The following ASPA variants were observed in gnomAD, a reference collection of about 807,000 sequenced individuals.
ASPA encodes ACY-2.
A neutral mutation model predicts 29.6 loss-of-function variants in ASPA; 25 were observed. The ratio of observed to expected loss-of-function variants is 0.85; its 90% confidence interval spans 0.62 to 1.18. ASPA has a LOEUF of 1.18. ASPA is among the 50% of genes most tolerant of loss of function. The probability of loss-of-function intolerance (pLI) is 0.00; values close to 1 mark genes in which losing one functional copy is unlikely to be tolerated. For missense variants in ASPA, 333 were observed against 385.7 expected (o/e 0.86, Z 1.14); for synonymous variants, 131 against 130.3 (o/e 1.01, Z -0.04).
upstream of ASPA, among the ~76,000 whole-genome samples, chr17:3,474,844 C>T (rs2073498186): frequency 6.6e-6 from 1 of 152,158 alleles, no homozygotes; most frequent in East Asian, 1.9e-4. Context: ...AACAGAGAGG[C>T]ACCCTATTGT....
chr17:3,476,120 CT>C lies in ASPA; in HGVS notation c.-38del, dbSNP rs755568998. 1.1e-5 allele frequency: 17 copies of C among 1,564,988 alleles called. No individual in the cohort carries two copies. The highest frequency in any genetic ancestry group is 1.4e-5 in the Non-Finnish European group (16 of 1,137,122). ...GAAAATCGAATTTCCTTTGATCTCT[CT>C]TCTGAATTGCAGAAATCAGATAAAA... On this transcript the variant is annotated 5_prime_UTR_variant, in exon 1 of 6. Coordinates refer to ENST00000263080, the MANE Select transcript of ASPA (RefSeq NM_000049.4).
chr17:3,499,192 CT>C lies in ASPA; in HGVS notation c.*105del. 7 of 1,230,014 alleles carry C rather than the reference CT, an allele frequency of 5.7e-6. No homozygotes were observed. Among genetic ancestry groups the C allele is most frequent in the Non-Finnish European group, 8.0e-6 (7 of 873,664 alleles). The allele number at this position is 1,230,014 out of a possible 1,614,324, so 76.2% of individuals were successfully genotyped here. A position where few individuals can be genotyped will look rare whatever the true frequency, so the allele number is the denominator to read the frequency against. On this transcript the variant is annotated 3_prime_UTR_variant, in exon 6 of 6. Transcript: ENST00000263080. ...CCTTATTCAACTGCATACATAGCTC[CT>C]AGCACAGTGCCTTATTCGGTAGGCA...
At position 3,500,394 on chromosome 17, in the gene ASPA, T is replaced by C. The variant is rs551021289; in HGVS notation, c.*1306T>C. ...TAGCTAGAGGGGAGAAATGAATGCC[T>C]AGCTTCAAAGCTTCAAAGGACAGCC... On this transcript the variant is annotated 3_prime_UTR_variant, in exon 6 of 6. Coordinates refer to ENST00000263080, the MANE Select transcript of ASPA (RefSeq NM_000049.4). The C allele has an allele frequency of 6.6e-6, 1 of 152,418 alleles. No homozygotes were observed. Among genetic ancestry groups the C allele is most frequent in the South Asian group, 2.1e-4 (1 of 4,830 alleles). 9.4% of individuals were successfully genotyped at this position (152,418 alleles called of 1,614,324 possible).
intron 4 of ASPA, among the ~76,000 whole-genome samples, chr17:3,491,004 A>G (rs1257041611): frequency 3.3e-5 from 5 of 152,224 alleles, no homozygotes; most frequent in African/African-American, 9.6e-5. Context: ...ACTCCTATCC[A>G]CAGAATGCTG....
At chr17:3,496,639 G>A (rs553803645) in intron 5 of ASPA, among the ~76,000 whole-genome samples, 2 of 152,278 alleles carry the variant, frequency 1.3e-5, no homozygotes, top group Admixed American at 6.5e-5. Context: ...TCCTAAGAAT[G>A]ACAGTTCTTA....
At chr17:3,483,384 T>A (rs2073667276) in intron 2 of ASPA, 115 bp from the exon 3 acceptor site, 1 of 865,642 alleles carries the variant, frequency 1.2e-6, no homozygotes, top group Non-Finnish European at 2.0e-6. Flanking sequence ...TAAAGCTGTC[T>A]TACCAATCTT....
At chr17:3,498,797 A>T (rs2073951337) in intron 5 of ASPA, 94 bp from the exon 6 acceptor site, 1 of 1,201,776 alleles carries the variant, frequency 8.3e-7, no homozygotes, top group Non-Finnish European at 1.1e-6. Context: ...AAAACAACAG[A>T]ATACTGTAAT....
chr17:3,497,237 T>C (rs2073924136), intron 5 of ASPA, among the ~76,000 whole-genome samples: 2 of 152,144 alleles, frequency 1.3e-5, no homozygotes, highest in Non-Finnish European at 2.9e-5. Context: ...GCCAGACGTG[T>C]GTTGAAGAGG....
Position 3,476,184 on chromosome 17 carries a change from G to C in ASPA, c.25G>C (p.Glu9Gln), listed in dbSNP as rs1483554951. MTSCHIAE[E>Q]HIQKVAIFGG... ...AATGACTTCTTGTCACATTGCTGAA[G>C]AACATATACAAAAGGTTGCTATCTT... is the stretch of plus-strand genomic sequence containing the variant. Residue 9 changes from glutamate to glutamine, a missense_variant, in exon 1 of 6, where the codon GAA becomes CAA. Transcript: ENST00000263080. 6.2e-7 allele frequency: 1 copy of C among 1,613,954 alleles called. No individual in the cohort carries two copies. The highest frequency in any genetic ancestry group is 2.2e-5 in the East Asian group (1 of 44,872).
Position 3,490,805 on chromosome 17 carries a change from A to G in ASPA, c.634+1463A>G, listed in dbSNP as rs2073811489. On this transcript the variant is annotated intron_variant, in intron 4 of 5. Coordinates refer to ENST00000263080, the MANE Select transcript of ASPA (RefSeq NM_000049.4). The surrounding 1 kb of genome is among the most constrained non-coding windows in gnomAD (Gnocchi z 4.6). ...AAAACGTGGTTGGTTTTCAGATCAT[A>G]GTCCATAGAATCCTATCACAACGGT... Among the ~76,000 whole-genome samples the G allele has an allele frequency of 6.6e-6, 1 of 152,212 alleles. No homozygotes were observed. Among genetic ancestry groups the G allele is most frequent in the South Asian group, 2.1e-4 (1 of 4,838 alleles).
rs1271110402 is a variant in ASPA at position 3,500,367 on chromosome 17, C to G, written c.*1279C>G. ...GGAAGAAGATGCTATCTAGGACTTT[C>G]CTAGCTAGAGGGGAGAAATGAATGC... On this transcript the variant is annotated 3_prime_UTR_variant, in exon 6 of 6. Transcript: ENST00000263080. 1 of 152,312 alleles carries G rather than the reference C, an allele frequency of 6.6e-6. No individual in the cohort carries two copies. Among genetic ancestry groups the G allele is most frequent in the Non-Finnish European group, 1.5e-5 (1 of 68,146 alleles). The allele number at this position is 152,312 out of a possible 1,614,324, so 9.4% of individuals were successfully genotyped here. A position where few individuals can be genotyped will look rare whatever the true frequency, so the allele number is the denominator to read the frequency against.
chr17:3,476,244 T>C lies in ASPA; in HGVS notation c.85T>C (p.Phe29Leu). ...GTHGNELTGV[F>L]LVKHWLENGA... The stretch of plus-strand genomic sequence containing the variant: ...CCATGGGAATGAGCTAACCGGAGTA[T>C]TTCTGGTTAAGCATTGGCTAGAGAA... Residue 29 changes from phenylalanine to leucine, a missense_variant, in exon 1 of 6, where the codon TTT becomes CTT. Coordinates refer to ENST00000263080, the MANE Select transcript of ASPA (RefSeq NM_000049.4). 1 of 1,614,180 alleles carries C rather than the reference T, an allele frequency of 6.2e-7. No individual in the cohort carries two copies. The highest frequency in any genetic ancestry group is 1.1e-5 in the South Asian group (1 of 91,090).
At position 3,485,362 on chromosome 17, in the gene ASPA, C is replaced by G. The variant is rs1299106353; in HGVS notation, c.526+1770C>G. On this transcript the variant is annotated intron_variant, in intron 3 of 5. Coordinates refer to ENST00000263080, the MANE Select transcript of ASPA (RefSeq NM_000049.4). This position sits in a 1 kb window ranked among gnomAD's most constrained non-coding sequence, Gnocchi z 4.4. Reference sequence around the variant, plus strand: ...CCCACACAGACTTATACAAACTTATCCATTCCTTCCCATGCAGGTTCTATA... The same window carrying G: ...CCCACACAGACTTATACAAACTTATGCATTCCTTCCCATGCAGGTTCTATA... Among the ~76,000 whole-genome samples the G allele has an allele frequency of 6.6e-6, 1 of 152,050 alleles. No homozygotes were observed. Among genetic ancestry groups the G allele is most frequent in the Non-Finnish European group, 1.5e-5 (1 of 68,010 alleles).
upstream of ASPA, among the ~76,000 whole-genome samples, chr17:3,475,038 A>G (rs1365968696): frequency 6.6e-6 from 1 of 152,224 alleles, no homozygotes; most frequent in Non-Finnish European, 1.5e-5. Flanking sequence ...GTGAAAGGAC[A>G]TTATAAATTA....
chr17:3,496,099 C>T lies in ASPA; in HGVS notation c.744+1640C>T, dbSNP rs888975146. Among the ~76,000 whole-genome samples the T allele has an allele frequency of 7.9e-5, 12 of 152,066 alleles. No homozygotes were observed. The East Asian group carries it at 1.7e-3, about 22-fold the overall frequency. On this transcript the variant is annotated intron_variant, in intron 5 of 5. Coordinates refer to ENST00000263080, the MANE Select transcript of ASPA (RefSeq NM_000049.4). ...AGCAAACTGGGCTAGTGGTAGGTCT[C>T]GAAAGTTAGGAAGGATGGTTTTGAT...
intron 4 of ASPA, among the ~76,000 whole-genome samples, chr17:3,489,739 C>T (rs1281943344): frequency 6.6e-6 from 1 of 152,204 alleles, no homozygotes; most frequent in East Asian, 1.9e-4. Context: ...AGGGGAAACT[C>T]TCATTACCTG....
intron 3 of ASPA, among the ~76,000 whole-genome samples, chr17:3,484,598 G>T (rs561932969): frequency 2.0e-5 from 3 of 152,166 alleles, no homozygotes; most frequent in Non-Finnish European, 4.4e-5. Context: ...GTGATGAAAG[G>T]CCATTGCTGA....
At chr17:3,476,482 G>C (rs2073525548) in intron 1 of ASPA, 87 bp downstream of exon 1, 2 of 1,235,064 alleles carry the variant, frequency 1.6e-6, no homozygotes, top group South Asian at 2.4e-5. Flanking sequence ...TGTATATGCA[G>C]ATGATAATTC....
intron 5 of ASPA, 49 bp from the exon 6 acceptor site, chr17:3,498,842 G>A: frequency 1.4e-6 from 2 of 1,421,022 alleles, no homozygotes; most frequent in Non-Finnish European, 9.3e-7. Context: ...TAAATTTTTA[G>A]AGGAGAAAAA....
Sources: gnomAD v4.1 joint callset for allele counts (sites outside exome capture counted in the v4.1 genomes callset) on GRCh38, gnomAD v4.1.1 for gene constraint, Gnocchi (gnomAD v3.1) non-coding constraint, MANE v1.5 for transcripts, NCBI Gene and HGNC (gene_info 2026-07-23, HGNC 2026-07-21) for gene names.